The following HSPH1 variants were observed in gnomAD, a reference collection of about 807,000 sequenced individuals.
HSPH1 encodes the protein heat shock protein family H (Hsp110) member 1.
A neutral mutation model predicts 100.0 loss-of-function variants in HSPH1; 40 were observed. That is an observed-to-expected ratio of 0.40 (90% confidence interval 0.31 to 0.52). HSPH1 has a LOEUF of 0.52. HSPH1 is among the 20% of genes least tolerant of loss of function. The pLI is 0.54. For missense variants in HSPH1, 876 were observed against 1,015.1 expected (o/e 0.86, Z 1.86); for synonymous variants, 403 against 344.0 (o/e 1.17, Z -1.90).
rs1249501005 is a variant in HSPH1, at chr13:31,143,876, T to C, written c.1632A>G (p.Val544=). The change falls in exon 12 of 18, where the codon GTA becomes GTG. Residue 544 remains valine (V), a synonymous_variant. Coordinates refer to ENST00000320027, the MANE Select transcript of HSPH1 (RefSeq NM_006644.4). Reference sequence around the variant, plus strand: ...GTGAGGTTTGTTGAGCATCAGTTTGTACCTGGGGCTGTGTTCCAGCTTCAC... The same window carrying C: ...GTGAGGTTTGTTGAGCATCAGTTTGCACCTGGGGCTGTGTTCCAGCTTCAC... ...DNSEAGTQPQ[V]QTDAQQTSQS... 2 of 1,611,230 alleles carry C rather than the reference T, an allele frequency of 1.2e-6. No individual in the cohort carries two copies. The highest frequency in any genetic ancestry group is 1.7e-6 in the Non-Finnish European group (2 of 1,178,440).
intron 12 of HSPH1, among the ~76,000 whole-genome samples, chr13:31,143,407 T>C (rs1956166838): frequency 6.6e-6 from 1 of 152,144 alleles, no homozygotes; most frequent in Non-Finnish European, 1.5e-5. Context: ...ACTAGACTCC[T>C]ATAGCCCATA....
Position 31,135,755 on chromosome 13 carries a change from C to T in HSPH1, c.*1563G>A, listed in dbSNP as rs1203704353. ...ACCTCAGCAGTCAAGTGTTACTAAA[C>T]CTCATAGTTTGAAGATATTACTCCG... On this transcript the variant is annotated 3_prime_UTR_variant, in exon 18 of 18. Transcript: ENST00000320027. 6.6e-6 allele frequency: 1 copy of T among 152,168 alleles called. No individual in the cohort carries two copies. The highest frequency in any genetic ancestry group is 2.4e-5 in the African/African-American group (1 of 41,432). The allele number at this position is 152,168 out of a possible 1,614,324, so 9.4% of individuals were successfully genotyped here.
At position 31,155,661 on chromosome 13, in the gene HSPH1, AAAG is replaced by A. The variant is rs1956660281; in HGVS notation, c.166-10_166-8del. The A allele has an allele frequency of 6.4e-7, 1 of 1,574,014 alleles. No homozygotes were observed. Among genetic ancestry groups the A allele is most frequent in the African/African-American group, 1.4e-5 (1 of 72,902 alleles). Reference sequence around the variant, plus strand: ...TGTTTGCATGAGTGATTTGCTGCAAAAAGAAGTTTGAGATTTTAATTTTTTTCT... The same window carrying A: ...TGTTTGCATGAGTGATTTGCTGCAAAAAGTTTGAGATTTTAATTTTTTTCT... On this transcript the variant is annotated splice_region_variant and splice_polypyrimidine_tract_variant and intron_variant, in intron 2 of 17. Transcript: ENST00000320027.
intron 10 of HSPH1, 65 bp from the exon 11 acceptor site, chr13:31,145,833 A>G: frequency 6.8e-7 from 1 of 1,474,122 alleles, no homozygotes; most frequent in Non-Finnish European, 9.4e-7. Flanking sequence ...AAATCTCTGT[A>G]GAGGAGGCCA....
chr13:31,156,057 A>C (rs568700767), intron 2 of HSPH1, among the ~76,000 whole-genome samples: 75 of 152,190 alleles, frequency 4.9e-4, no homozygotes, highest in Non-Finnish European at 9.7e-4. Context: ...GAATGAATAG[A>C]TCTAGTAGCA....
At chr13:31,152,790 G>T in intron 5 of HSPH1, 62 bp downstream of exon 5, 2 of 1,107,066 alleles carry the variant, frequency 1.8e-6, no homozygotes, top group Non-Finnish European at 1.4e-6. Context: ...GAAAGTAATA[G>T]CACTGAGAAC....
intron 14 of HSPH1, among the ~76,000 whole-genome samples, chr13:31,139,771 GA>G (rs1266408092): frequency 6.6e-6 from 1 of 152,078 alleles, no homozygotes; most frequent in African/African-American, 2.4e-5. Flanking sequence ...CAAGAAAAGG[GA>G]TAAGGGGAAT....
Position 31,136,596 on chromosome 13 carries a change from A to G in HSPH1, c.*722T>C, listed in dbSNP as rs573495134. On this transcript the variant is annotated 3_prime_UTR_variant, in exon 18 of 18. Coordinates refer to ENST00000320027, the MANE Select transcript of HSPH1 (RefSeq NM_006644.4). Reference sequence around the variant, plus strand: ...AATAATTCATATTCTCCCTCATCTCATTTTTTAAATTAGTGACAAAATCAA... The same window carrying G: ...AATAATTCATATTCTCCCTCATCTCGTTTTTTAAATTAGTGACAAAATCAA... The G allele has an allele frequency of 5.9e-5, 9 of 152,720 alleles. No homozygotes were observed. The highest frequency in any genetic ancestry group is 2.2e-4 in the African/African-American group (9 of 41,572). The allele number at this position is 152,720 out of a possible 1,614,324, so 9.5% of individuals were successfully genotyped here.
Position 31,161,609 on chromosome 13 carries a change from C to T in HSPH1, c.-27G>A, listed in dbSNP as rs1282063270. The T allele has an allele frequency of 2.5e-6, 4 of 1,609,994 alleles. No individual in the cohort carries two copies. Among genetic ancestry groups the T allele is most frequent in the South Asian group, 2.2e-5 (2 of 90,974 alleles). ...GCCGGCTCGCGGTCCGCCTCCGCCT[C>T]GGGTCTCGGTCTGCGTCCTCCGGCC... On this transcript the variant is annotated 5_prime_UTR_variant, in exon 1 of 18. Coordinates refer to ENST00000320027, the MANE Select transcript of HSPH1 (RefSeq NM_006644.4).
intron 2 of HSPH1, among the ~76,000 whole-genome samples, chr13:31,157,983 C>T (rs541910393): frequency 1.3e-5 from 2 of 152,338 alleles, no homozygotes; most frequent in African/African-American, 4.8e-5. Context: ...TTATACTTCA[C>T]ATTTTGATTC....
intron 14 of HSPH1, among the ~76,000 whole-genome samples, chr13:31,139,536 C>T (rs1005773778): frequency 6.6e-6 from 1 of 151,992 alleles, no homozygotes; most frequent in Admixed American, 6.6e-5. Flanking sequence ...CTTTAGAGAT[C>T]CCACCATAAG....
rs1956347931 is a variant in HSPH1 at position 31,148,384 on chromosome 13, C to G, written c.1234G>C (p.Asp412His). 6.5e-7 allele frequency: 1 copy of G among 1,550,324 alleles called. No homozygotes were observed. ...TTTTCTGCTACATACCCTTCAGTATCTTCTGAATCATGGTTCCAGATCAGA... is the reference window on the plus strand; with the variant it reads ...TTTTCTGCTACATACCCTTCAGTATGTTCTGAATCATGGTTCCAGATCAGA... ...ISLIWNHDSE[D>H]TEGVHEVFSR... is the part of the protein sequence containing the mutation. The change falls in exon 9 of 18, where the codon GAT (aspartate) becomes CAT (histidine). Residue 412 changes from aspartate to histidine, a missense_variant. Coordinates refer to ENST00000320027, the MANE Select transcript of HSPH1 (RefSeq NM_006644.4).
intron 13 of HSPH1, 53 bp from the exon 14 acceptor site, chr13:31,140,362 A>T: frequency 6.4e-7 from 1 of 1,554,000 alleles, no homozygotes; most frequent in Middle Eastern, 1.8e-4. Context: ...CTCAAGCTAA[A>T]TTCTAAATAT....
At position 31,147,092 on chromosome 13, in the gene HSPH1, C is replaced by T. The variant is rs576511845; in HGVS notation, c.1378+867G>A. ...TGTAAGATGGCTCAAGCATGTACGA[C>T]GTTTTCAGTTTCAATCAAACATGAA... On this transcript the variant is annotated intron_variant, in intron 10 of 17. Coordinates refer to ENST00000320027, the MANE Select transcript of HSPH1 (RefSeq NM_006644.4). 5.9e-5 allele frequency among the ~76,000 whole-genome samples: 9 copies of T among 152,238 alleles called. No individual in the cohort carries two copies. The East Asian group carries it at 9.7e-4, about 16-fold the overall frequency.
Position 31,138,553 on chromosome 13 carries a change from G to A in HSPH1, c.2224C>T (p.His742Tyr). 1.2e-6 allele frequency: 2 copies of A among 1,608,420 alleles called. No homozygotes were observed. The highest frequency in any genetic ancestry group is 1.7e-6 in the Non-Finnish European group (2 of 1,177,772). Residue 742 changes from histidine to tyrosine, a missense_variant, in exon 17 of 18, where the codon CAT (histidine) becomes TAT (tyrosine). By Grantham distance (83) the His-to-Tyr change is moderately conservative. Transcript: ENST00000320027. ...DFRNKDEKYN[H>Y]IDESEMKKVE... ...TTTTTCATTTCAGACTCATCAATATGGTTGTATTTCTCATCCTGAACAAAA... is the reference window on the plus strand; with the variant it reads ...TTTTTCATTTCAGACTCATCAATATAGTTGTATTTCTCATCCTGAACAAAA...
intron 11 of HSPH1, 68 bp downstream of exon 11, chr13:31,145,495 C>T: frequency 8.3e-7 from 1 of 1,207,502 alleles, no homozygotes; most frequent in Non-Finnish European, 1.2e-6. Context: ...CCCTTCCCTA[C>T]CCAATTCTCC....
At chr13:31,138,923 A>G in intron 15 of HSPH1, 23 bp from the exon 16 acceptor site, 2 of 1,576,732 alleles carry the variant, frequency 1.3e-6, no homozygotes, top group Non-Finnish European at 1.7e-6. Flanking sequence ...GTAATAAATT[A>G]ATAGTTATCA....
At chr13:31,147,318 A>T (rs1388910054) in intron 10 of HSPH1, among the ~76,000 whole-genome samples, 1 of 152,136 alleles carries the variant, frequency 6.6e-6, no homozygotes, top group African/African-American at 2.4e-5. Flanking sequence ...TAAGAAAGAA[A>T]ACACAACTGA....
intron 1 of HSPH1, among the ~76,000 whole-genome samples, chr13:31,160,018 C>A (rs766822711): frequency 6.0e-4 from 92 of 152,318 alleles, no homozygotes; most frequent in Non-Finnish European, 9.7e-4. Flanking sequence ...GAATCCACCA[C>A]AATTATAGTT....
Sources: gnomAD v4.1 joint callset for allele counts (sites outside exome capture counted in the v4.1 genomes callset) on GRCh38, gnomAD v4.1.1 for gene constraint, MANE v1.5 for transcripts, NCBI Gene and HGNC (gene_info 2026-07-23, HGNC 2026-07-21) for gene names.